EXOC1: variants seen among roughly 807,000 people sequenced by gnomAD.
EXOC1 encodes the protein exocyst complex component 1.
EXOC1 carries 67 observed loss-of-function variants against 107.7 expected under a neutral mutation model. The ratio of observed to expected loss-of-function variants is 0.62; its 90% CI spans 0.51 to 0.76. The LOEUF is 0.76. Ranked by LOEUF, EXOC1 falls within the 30% of genes least tolerant of loss-of-function variation. EXOC1 has a pLI of 0.00. For synonymous variants in EXOC1, 348 were observed against 353.5 expected (o/e 0.98, Z 0.17); for missense variants, 833 against 1,055.7 (o/e 0.79, Z 2.92).
At chr4:55,871,771 A>G (rs1047417837) in intron 7 of EXOC1, 78 bp from the exon 8 acceptor site, 30 of 1,292,440 alleles carry the variant, frequency 2.3e-5, no homozygotes, top group Non-Finnish European at 3.2e-5. Flanking sequence ...AAAACGTTAG[A>G]TACGTTTAAT....
At chr4:55,897,281 C>A (rs1725343252) in intron 16 of EXOC1, among the ~76,000 whole-genome samples, 1 of 151,952 alleles carries the variant, frequency 6.6e-6, no homozygotes, top group Non-Finnish European at 1.5e-5. Context: ...TGCACCCTAC[C>A]ATGCCCTGCT....
chr4:55,870,554 T>C lies in EXOC1; in HGVS notation c.604-124T>C, dbSNP rs546710099. 27 of 822,670 alleles carry C rather than the reference T, an allele frequency of 3.3e-5. 1 individual carries two copies. In the South Asian group the frequency reaches 4.7e-4, roughly 14 times the overall value. The allele number at this position is 822,670 out of a possible 1,614,324, so 51.0% of individuals were successfully genotyped here. Reference sequence around the variant, plus strand: ...AGATGTGTAGGTATATATCAATTTTTGTTATGCTACTTTCAAGGAAATTTA... The same window carrying C: ...AGATGTGTAGGTATATATCAATTTTCGTTATGCTACTTTCAAGGAAATTTA... On this transcript the variant is annotated intron_variant, in intron 5 of 18. Coordinates refer to ENST00000381295, the MANE Select transcript of EXOC1 (RefSeq NM_001024924.2).
intron 3 of EXOC1, among the ~76,000 whole-genome samples, chr4:55,862,717 T>C (rs181162558): frequency 6.6e-6 from 1 of 152,324 alleles, no homozygotes; most frequent in East Asian, 1.9e-4. Context: ...GATACTCCAG[T>C]TCTTCACAGT....
intron 10 of EXOC1, among the ~76,000 whole-genome samples, chr4:55,886,240 A>G (rs1353045656): frequency 1.3e-5 from 2 of 152,068 alleles, no homozygotes; most frequent in African/African-American, 4.8e-5. Flanking sequence ...AATATTTTCA[A>G]CGTGTAATGG....
chr4:55,876,666 A>T, intron 8 of EXOC1: 1 of 985,156 alleles, frequency 1.0e-6, no homozygotes, highest in Non-Finnish European at 1.2e-6. Context: ...GTTATTTTGA[A>T]CTGGTCAGTT....
intron 13 of EXOC1, 130 bp downstream of exon 13, chr4:55,891,552 TG>T: frequency 1.6e-6 from 1 of 644,254 alleles, no homozygotes; most frequent in Non-Finnish European, 2.6e-6. Flanking sequence ...TTTTTTATGA[TG>T]TAAGGATTTA....
At chr4:55,873,526 T>C (rs1196921473) in intron 8 of EXOC1, among the ~76,000 whole-genome samples, 3 of 152,188 alleles carry the variant, frequency 2.0e-5, no homozygotes, top group Non-Finnish European at 4.4e-5. Flanking sequence ...AATAGTCTTT[T>C]CTGTACCCTT....
chr4:55,899,023 A>AT (rs1409129645), intron 16 of EXOC1, among the ~76,000 whole-genome samples: 2 of 152,190 alleles, frequency 1.3e-5, no homozygotes, highest in African/African-American at 4.8e-5. Flanking sequence ...GAGCAGTTGC[A>AT]TTACAGCTGT....
intron 9 of EXOC1, 54 bp from the exon 10 acceptor site, chr4:55,883,769 G>A: frequency 2.6e-6 from 3 of 1,142,344 alleles, no homozygotes; most frequent in Non-Finnish European, 1.2e-6. Flanking sequence ...TTGAAAAATT[G>A]AAATTGTTAT....
intron 8 of EXOC1, among the ~76,000 whole-genome samples, chr4:55,874,758 C>T (rs1722743582): frequency 6.6e-6 from 1 of 152,100 alleles, no homozygotes; most frequent in Non-Finnish European, 1.5e-5. Context: ...ATTATAGGCT[C>T]TTGCCCATAA....
At chr4:55,899,075 C>A (rs1205937847) in intron 16 of EXOC1, among the ~76,000 whole-genome samples, 1 of 152,058 alleles carries the variant, frequency 6.6e-6, no homozygotes, top group Non-Finnish European at 1.5e-5. Flanking sequence ...TCTTTTTATT[C>A]TTTGTCAACC....
intron 5 of EXOC1, among the ~76,000 whole-genome samples, chr4:55,869,404 G>A (rs190315128): frequency 3.3e-5 from 5 of 152,002 alleles, no homozygotes; most frequent in East Asian, 1.9e-4. Context: ...CAAACACACC[G>A]CATCTCTTAT....
chr4:55,903,672 A>G (rs1726275449), intron 18 of EXOC1, among the ~76,000 whole-genome samples: 3 of 152,214 alleles, frequency 2.0e-5, no homozygotes, highest in Admixed American at 2.0e-4. Flanking sequence ...TAATATATTC[A>G]TAAAGTGCTT....
chr4:55,876,547 G>A, intron 8 of EXOC1: 1 of 968,784 alleles, frequency 1.0e-6, no homozygotes, highest in Non-Finnish European at 1.2e-6. Context: ...AGTTTTCAGA[G>A]CTTTTTGGCT....
chr4:55,880,452 A>T (rs1723288437), intron 9 of EXOC1, among the ~76,000 whole-genome samples: 1 of 152,044 alleles, frequency 6.6e-6, no homozygotes, highest in Non-Finnish European at 1.5e-5. Flanking sequence ...TCTTGTTTTC[A>T]TTCAACAGAA....
At chr4:55,888,679 TTAAAAG>T (rs1724161739) in intron 10 of EXOC1, 1 of 538,490 alleles carries the variant, frequency 1.9e-6, no homozygotes, top group Non-Finnish European at 3.3e-6. Context: ...AAACAATACA[TTAAAAG>T]TAAAGTTTTT....
At chr4:55,869,630 A>G (rs1193671002) in intron 5 of EXOC1, among the ~76,000 whole-genome samples, 1 of 152,240 alleles carries the variant, frequency 6.6e-6, no homozygotes, top group Non-Finnish European at 1.5e-5. Context: ...AGCAAAGCCT[A>G]GAAATGATTT....
chr4:55,883,288 G>A (rs1159046254), intron 9 of EXOC1: 1 of 152,102 alleles, frequency 6.6e-6, no homozygotes, highest in Non-Finnish European at 1.5e-5. Flanking sequence ...TATAGAGGAA[G>A]AGCAATTAAG....
At chr4:55,902,081 GAAAA>G in intron 17 of EXOC1, 1 of 229,064 alleles carries the variant, frequency 4.4e-6, no homozygotes, top group Non-Finnish European at 8.4e-6. Flanking sequence ...TTATATTTAG[GAAAA>G]AACAATATTA....
Sources: allele counts gnomAD v4.1 joint callset (sites outside exome capture counted in the v4.1 genomes callset), GRCh38; gene constraint gnomAD v4.1.1; transcripts MANE v1.5; gene names NCBI Gene and HGNC (gene_info 2026-07-23, HGNC 2026-07-21).